GSTCD: variants seen among roughly 807,000 people sequenced by gnomAD.
GSTCD encodes glutathione S-transferase C-terminal domain containing.
Under a neutral mutation model 68.3 loss-of-function variants are expected in GSTCD, and 44 were observed. The ratio of observed to expected loss-of-function variants is 0.64; its 90% CI spans 0.51 to 0.83. GSTCD has a LOEUF of 0.83. Among genes scored for constraint, GSTCD ranks in the 40% least tolerant of loss-of-function variants. GSTCD has a pLI of 0.00. For synonymous variants in GSTCD, 273 were observed against 255.2 expected, an observed-to-expected ratio of 1.07 and a Z score of -0.67; for missense variants, 739 against 735.9, an observed-to-expected ratio of 1.00 and a Z score of -0.05.
chr4:105,763,194 C>T (rs1734479511), intron 5 of GSTCD, among the ~76,000 whole-genome samples: 1 of 152,064 alleles, frequency 6.6e-6, no homozygotes, highest in African/African-American at 2.4e-5. Context: ...CTGTTATGAA[C>T]CCCTTTATTA....
intron 5 of GSTCD, among the ~76,000 whole-genome samples, chr4:105,774,466 T>C (rs1734976621): frequency 6.6e-6 from 1 of 152,180 alleles, no homozygotes; most frequent in African/African-American, 2.4e-5. Flanking sequence ...CACAATTTCG[T>C]ATGTTTTTGC....
At chr4:105,746,658 TA>T (rs1371616966) in intron 5 of GSTCD, among the ~76,000 whole-genome samples, 1 of 152,184 alleles carries the variant, frequency 6.6e-6, no homozygotes, top group East Asian at 1.9e-4. Flanking sequence ...ATTATCCTCT[TA>T]GTAGCAAGAT....
chr4:105,845,654 A>T lies in GSTCD; in HGVS notation c.*77A>T. The T allele has an allele frequency of 6.7e-7, 1 of 1,481,988 alleles. No individual in the cohort carries two copies. Among genetic ancestry groups the T allele is most frequent in the Non-Finnish European group, 9.3e-7 (1 of 1,070,100 alleles). The allele number at this position is 1,481,988 out of a possible 1,614,324, so 91.8% of individuals were successfully genotyped here. ...CAGTGGCATTCAGGAGGTTCTTGGC[A>T]TAACTAGGAAACAGCATTAGCCATC... On this transcript the variant is annotated 3_prime_UTR_variant, in exon 12 of 12. Coordinates refer to ENST00000515279, the MANE Select transcript of GSTCD (RefSeq NM_001370181.1).
At chr4:105,714,250 C>T (rs765624605) in intron 1 of GSTCD, among the ~76,000 whole-genome samples, 1 of 152,158 alleles carries the variant, frequency 6.6e-6, no homozygotes, top group Admixed American at 6.5e-5. Context: ...TACTTTCTCA[C>T]TCCCTCTCTG....
chr4:105,754,900 G>C (rs957269734), intron 5 of GSTCD, among the ~76,000 whole-genome samples: 21 of 151,612 alleles, frequency 1.4e-4, no homozygotes, highest in Admixed American at 9.9e-4. Flanking sequence ...AGCTGTAAAA[G>C]GCAATATTAC....
intron 9 of GSTCD, among the ~76,000 whole-genome samples, chr4:105,834,865 G>C (rs551544880): frequency 6.6e-6 from 1 of 152,302 alleles, no homozygotes; most frequent in Non-Finnish European, 1.5e-5. Flanking sequence ...ACTTCTCTCT[G>C]TATTTCCGAA....
chr4:105,758,489 C>G (rs1186526726), intron 5 of GSTCD, among the ~76,000 whole-genome samples: 2 of 152,150 alleles, frequency 1.3e-5, no homozygotes. Context: ...CTCTCTTGCT[C>G]CCATTCTTGT....
chr4:105,722,279 C>T (rs769950651), intron 3 of GSTCD, among the ~76,000 whole-genome samples: 17 of 152,022 alleles, frequency 1.1e-4, no homozygotes, highest in African/African-American at 3.1e-4. Flanking sequence ...GTGTTCCCAT[C>T]GGCATAAAGT....
intron 8 of GSTCD, among the ~76,000 whole-genome samples, chr4:105,826,833 A>C (rs900653021): frequency 6.6e-6 from 1 of 152,166 alleles, no homozygotes; most frequent in Admixed American, 6.5e-5. Flanking sequence ...ACATATGTTC[A>C]TATAAACATG....
intron 3 of GSTCD, among the ~76,000 whole-genome samples, chr4:105,723,373 A>G (rs1177824996): frequency 1.3e-5 from 2 of 151,874 alleles, no homozygotes; most frequent in African/African-American, 2.4e-5. Flanking sequence ...AACCAACCGC[A>G]GATTTAAAAT....
At chr4:105,768,832 C>A (rs1734720791) in intron 5 of GSTCD, among the ~76,000 whole-genome samples, 1 of 151,252 alleles carries the variant, frequency 6.6e-6, no homozygotes, top group African/African-American at 2.4e-5. Context: ...TTATATTATT[C>A]TCATATAATC....
rs937838977 is a variant in GSTCD at position 105,772,091 on chromosome 4, G to T, written c.1240+42592G>T. Among the ~76,000 whole-genome samples, 4 of 152,250 alleles carry T rather than the reference G, an allele frequency of 2.6e-5. No homozygotes were observed. In the East Asian group the frequency reaches 7.7e-4, roughly 29 times the overall value. On this transcript the variant is annotated intron_variant, in intron 5 of 11. Transcript: ENST00000515279. ...CTTGAAAAGGTGCTTCACATCCATT[G>T]TAAGTTGTATTCCTAGGTATTTTAT...
intron 5 of GSTCD, among the ~76,000 whole-genome samples, chr4:105,782,788 G>T (rs1044330924): frequency 2.6e-5 from 4 of 152,018 alleles, no homozygotes; most frequent in African/African-American, 9.7e-5. Context: ...TCACCATGTT[G>T]CTCGGGCTTA....
At chr4:105,839,010 G>T (rs1724229043) in intron 10 of GSTCD, among the ~76,000 whole-genome samples, 1 of 152,140 alleles carries the variant, frequency 6.6e-6, no homozygotes, top group Non-Finnish European at 1.5e-5. Flanking sequence ...ATCAGCAGCT[G>T]TATCTCCTTC....
chr4:105,801,760 A>G (rs1203820452), intron 5 of GSTCD, among the ~76,000 whole-genome samples: 1 of 152,084 alleles, frequency 6.6e-6, no homozygotes, highest in East Asian at 1.9e-4. Flanking sequence ...CCAAATTTTG[A>G]TGACAGATTT....
At chr4:105,798,152 C>G (rs549660799) in intron 5 of GSTCD, among the ~76,000 whole-genome samples, 1 of 152,104 alleles carries the variant, frequency 6.6e-6, no homozygotes, top group South Asian at 2.1e-4. Context: ...TTTTGCTCAT[C>G]CATAGGAAGC....
intron 3 of GSTCD, among the ~76,000 whole-genome samples, chr4:105,720,276 A>C (rs1732820968): frequency 1.3e-5 from 2 of 152,236 alleles, no homozygotes; most frequent in African/African-American, 4.8e-5. Context: ...GAACATAGGA[A>C]GCTTAGCTCT....
intron 9 of GSTCD, among the ~76,000 whole-genome samples, chr4:105,836,321 G>T (rs1724117265): frequency 6.6e-6 from 1 of 152,202 alleles, no homozygotes; most frequent in South Asian, 2.1e-4. Context: ...GCATGCGATT[G>T]GTCCATGGGT....
intron 5 of GSTCD, among the ~76,000 whole-genome samples, chr4:105,817,497 G>A (rs749191221): frequency 2.0e-5 from 3 of 151,862 alleles, no homozygotes; most frequent in Admixed American, 1.3e-4. Context: ...ATGGGGGAGA[G>A]TATCAGATTA....
Sources: allele counts gnomAD v4.1 joint callset (sites outside exome capture counted in the v4.1 genomes callset), GRCh38; gene constraint gnomAD v4.1.1; transcripts MANE v1.5; gene names NCBI Gene and HGNC (gene_info 2026-07-23, HGNC 2026-07-21).